ERCC8: variants seen among roughly 807,000 people sequenced by gnomAD.
The protein encoded by ERCC8 is DNA excision repair protein ERCC-8.
In ERCC8, 52 loss-of-function variants were observed where a neutral mutation model predicts 54.9. That is an observed-to-expected ratio of 0.95 (90% CI 0.76 to 1.19). The LOEUF (loss-of-function observed/expected upper bound fraction) is 1.19. Among genes scored for constraint, ERCC8 ranks in the 50% most tolerant of loss-of-function variants. The pLI is 0.00. For missense variants in ERCC8, 514 were observed against 466.1 expected (o/e 1.10, Z -0.95); for synonymous variants, 146 against 157.2 (o/e 0.93, Z 0.53).
At position 60,882,079 on chromosome 5, in the gene ERCC8, G is replaced by C. The variant is rs576396953; in HGVS notation, c.1122+5361C>G. Among the ~76,000 whole-genome samples the C allele has an allele frequency of 2.0e-5, 3 of 152,288 alleles. No homozygotes were observed. The South Asian group carries it at 6.2e-4, about 32-fold the overall frequency. ...GATGATCTCGATCTCCTGATCTCGT[G>C]ATCTGCCTACCTCAGCCTCCCAGAG... On this transcript the variant is annotated intron_variant, in intron 11 of 11. Coordinates refer to ENST00000676185, the MANE Select transcript of ERCC8 (RefSeq NM_000082.4).
At position 60,899,614 on chromosome 5, in the gene ERCC8, C is replaced by A. The variant is rs753293232; in HGVS notation, c.718+13G>T. 6.4e-7 allele frequency: 1 copy of A among 1,558,152 alleles called. No homozygotes were observed. Among genetic ancestry groups the A allele is most frequent in the South Asian group, 1.1e-5 (1 of 89,956 alleles). On this transcript the variant is annotated intron_variant, in intron 8 of 11. Transcript: ENST00000676185. Reference sequence around the variant, plus strand: ...ACTATCATTGTCATATTTATTAATGCGTTCTTCCTTACCTGATTCAACAGC... The same window carrying A: ...ACTATCATTGTCATATTTATTAATGAGTTCTTCCTTACCTGATTCAACAGC...
At chr5:60,886,337 T>C (rs1748388997) in intron 11 of ERCC8, among the ~76,000 whole-genome samples, 1 of 152,220 alleles carries the variant, frequency 6.6e-6, no homozygotes, top group African/African-American at 2.4e-5. Flanking sequence ...TACTGATTTA[T>C]GTTCTACGAA....
intron 2 of ERCC8, among the ~76,000 whole-genome samples, chr5:60,928,173 G>T (rs1418864355): frequency 6.6e-6 from 1 of 152,186 alleles, no homozygotes; most frequent in South Asian, 2.1e-4. Context: ...ATGACGAATT[G>T]TAAGTAGGAG....
intron 4 of ERCC8, 21 bp downstream of exon 4, chr5:60,918,244 C>G: frequency 6.4e-7 from 1 of 1,566,562 alleles, no homozygotes; most frequent in Non-Finnish European, 8.8e-7. Context: ...AAGCAATCTG[C>G]AAATGTTTTA....
chr5:60,878,104 C>G (rs1448075901), intron 11 of ERCC8, among the ~76,000 whole-genome samples: 1 of 152,118 alleles, frequency 6.6e-6, no homozygotes, highest in African/African-American at 2.4e-5. Flanking sequence ...TTGTCAAACG[C>G]CTTTTCTGCA....
chr5:60,898,204 T>G, intron 9 of ERCC8, 72 bp downstream of exon 9: 1 of 1,484,222 alleles, frequency 6.7e-7, no homozygotes, highest in Admixed American at 1.7e-5. Context: ...GTTAAATATA[T>G]AAAAAAATCA....
intron 9 of ERCC8, 27 bp downstream of exon 9, chr5:60,898,249 C>A (rs764274194): frequency 6.8e-6 from 11 of 1,607,460 alleles, no homozygotes; most frequent in Non-Finnish European, 9.4e-6. Context: ...TAATTTATAC[C>A]CAAATATATA....
chr5:60,892,178 C>T (rs1748582009), intron 9 of ERCC8: 1 of 524,428 alleles, frequency 1.9e-6, no homozygotes, highest in Admixed American at 2.0e-5. Context: ...GAGTTTAGCC[C>T]ACCCCATCTG....
At chr5:60,912,120 T>C (rs1418346314) in intron 4 of ERCC8, among the ~76,000 whole-genome samples, 1 of 152,168 alleles carries the variant, frequency 6.6e-6, no homozygotes, top group African/African-American at 2.4e-5. Context: ...TTTTTCCAAT[T>C]CTGTGAAGAA....
chr5:60,940,673 G>T (rs1750231619), intron 1 of ERCC8, among the ~76,000 whole-genome samples: 1 of 152,156 alleles, frequency 6.6e-6, no homozygotes, highest in Admixed American at 6.5e-5. Context: ...AATCACTCAG[G>T]TCACAGTCTG....
chr5:60,935,513 T>A (rs776147481), intron 1 of ERCC8, among the ~76,000 whole-genome samples: 4 of 152,190 alleles, frequency 2.6e-5, no homozygotes, highest in Non-Finnish European at 5.9e-5. Flanking sequence ...CTTTACTGAT[T>A]TGGGTGTCCT....
rs56256328 is a variant in ERCC8 at position 60,899,933 on chromosome 5, A to C, written c.618-206T>G. ...ATAAGTGAGTAAATAGCAAAAAAAA[A>C]AAGTAACCTTTCTTTTCCAGATAAC... is the stretch of plus-strand genomic sequence containing the variant. On this transcript the variant is annotated intron_variant, in intron 7 of 11. Coordinates refer to ENST00000676185, the MANE Select transcript of ERCC8 (RefSeq NM_000082.4). Among the ~76,000 whole-genome samples, 918 of 152,136 alleles carry C rather than the reference A, an allele frequency of 6.0e-3. 6 individuals carry two copies. The highest frequency in any genetic ancestry group is 0.021 in the African/African-American group (860 of 41,552).
chr5:60,905,822 C>A (rs1749054149), intron 4 of ERCC8, among the ~76,000 whole-genome samples: 1 of 152,180 alleles, frequency 6.6e-6, no homozygotes, highest in African/African-American at 2.4e-5. Context: ...TAATCAACCT[C>A]CTTGAAGTCT....
chr5:60,927,126 C>T (rs1180674210), intron 2 of ERCC8, among the ~76,000 whole-genome samples: 1 of 151,446 alleles, frequency 6.6e-6, no homozygotes, highest in Non-Finnish European at 1.5e-5. Context: ...GCAAATGCAC[C>T]CTCTGCAGTT....
intron 2 of ERCC8, chr5:60,924,269 A>G (rs1168367326): frequency 6.6e-6 from 1 of 152,590 alleles, no homozygotes; most frequent in African/African-American, 2.4e-5. Flanking sequence ...AAGTGTTGCT[A>G]TCTGCTAATA....
At chr5:60,891,567 T>C in intron 9 of ERCC8, among the ~76,000 whole-genome samples, 1 of 151,290 alleles carries the variant, frequency 6.6e-6, no homozygotes, top group South Asian at 2.1e-4. Context: ...CCACCAAGAA[T>C]TTTTTTTGGG....
chr5:60,933,129 T>C (rs901261320), intron 1 of ERCC8, among the ~76,000 whole-genome samples: 5 of 152,112 alleles, frequency 3.3e-5, no homozygotes, highest in Non-Finnish European at 5.9e-5. Context: ...TTTTTACCTT[T>C]TATTTTTGTT....
chr5:60,927,499 G>T (rs1749782037), intron 2 of ERCC8, among the ~76,000 whole-genome samples: 1 of 152,184 alleles, frequency 6.6e-6, no homozygotes, highest in South Asian at 2.1e-4. Context: ...TGTATTAAAA[G>T]ATGCCTCATC....
intron 11 of ERCC8, among the ~76,000 whole-genome samples, chr5:60,885,542 C>A (rs1468479560): frequency 6.6e-6 from 1 of 151,992 alleles, no homozygotes; most frequent in Non-Finnish European, 1.5e-5. Flanking sequence ...AATGGCTAAA[C>A]CTAATTATTT....
Sources: gnomAD v4.1 joint callset for allele counts (sites outside exome capture counted in the v4.1 genomes callset) on GRCh38, gnomAD v4.1.1 for gene constraint, MANE v1.5 for transcripts, NCBI Gene and HGNC (gene_info 2026-07-23, HGNC 2026-07-21) for gene names.